The following TMEM255B variants were observed in gnomAD, a reference collection of about 807,000 sequenced individuals.
TMEM255B encodes the protein transmembrane protein 255B, also known as family with sequence similarity 70, member B.
In TMEM255B, 35 loss-of-function variants were observed where a neutral mutation model predicts 34.5. That is an observed-to-expected ratio of 1.01 (90% CI 0.77 to 1.34). The LOEUF is 1.34. TMEM255B is among the 40% of genes most tolerant of loss of function. TMEM255B has a pLI of 0.00. For synonymous variants in TMEM255B, 206 were observed against 201.2 expected, an observed-to-expected ratio of 1.02 and a Z score of -0.20; for missense variants, 432 against 433.2, an observed-to-expected ratio of 1.00 and a Z score of 0.02.
intron 3 of TMEM255B, among the ~76,000 whole-genome samples, chr13:113,782,144 T>C (rs937102780): frequency 1.3e-5 from 2 of 152,244 alleles, no homozygotes; most frequent in African/African-American, 4.8e-5. Flanking sequence ...CAACAGTCTT[T>C]ACAACTTTTT....
chr13:113,805,066 G>A (rs1332398913), intron 8 of TMEM255B, 38 bp downstream of exon 8: 1 of 1,557,314 alleles, frequency 6.4e-7, no homozygotes, highest in South Asian at 1.2e-5. Flanking sequence ...GGACGCGCTG[G>A]TCACAGGCAG....
rs530610954 is a variant in TMEM255B, at chr13:113,815,479, G to A, written c.*3576G>A. ...GAATTGTATTTCCCAGAATTCCTGC[G>A]CGTTGTGGGAGGGACCCAGCGGGAG... On this transcript the variant is annotated 3_prime_UTR_variant, in exon 9 of 9. Coordinates refer to ENST00000375353, the MANE Select transcript of TMEM255B (RefSeq NM_182614.4). 1.2e-4 allele frequency: 18 copies of A among 152,300 alleles called. No homozygotes were observed. The highest frequency in any genetic ancestry group is 3.6e-4 in the African/African-American group (15 of 41,544). 9.4% of individuals were successfully genotyped at this position (152,300 alleles called of 1,614,324 possible).
Position 113,790,228 on chromosome 13 carries a change from G to T in TMEM255B, c.253-4920G>T, listed in dbSNP as rs199679712. ...TGACCGGGCATGTGGACATCCTAGCGCTGGACTGACCGGGCACGTGGGCAT... is the reference window on the plus strand; with the variant it reads ...TGACCGGGCATGTGGACATCCTAGCTCTGGACTGACCGGGCACGTGGGCAT... On this transcript the variant is annotated intron_variant, in intron 3 of 8. Transcript: ENST00000375353. Among the ~76,000 whole-genome samples, 371 of 100,346 alleles carry T rather than the reference G, an allele frequency of 3.7e-3. 85 individuals carry two copies. Among genetic ancestry groups the T allele is most frequent in the East Asian group, 9.1e-3 (15 of 1,646 alleles). 65.8% of individuals were successfully genotyped at this position (100,346 alleles called of 152,430 possible).
intron 8 of TMEM255B, among the ~76,000 whole-genome samples, chr13:113,808,758 T>C (rs567631274): frequency 3.7e-4 from 41 of 111,612 alleles, no homozygotes; most frequent in African/African-American, 1.4e-3. Context: ...GGGGTTTAAC[T>C]CTGTGGTTTC....
At chr13:113,759,651 C>T (rs544255708) in intron 1 of TMEM255B, among the ~76,000 whole-genome samples, 3 of 152,310 alleles carry the variant, frequency 2.0e-5, no homozygotes, top group East Asian at 1.9e-4. Flanking sequence ...CTCCCTGTTA[C>T]GTTTTATTAT....
Position 113,795,230 on chromosome 13 carries a change from A to T in TMEM255B, c.335A>T (p.Gln112Leu), listed in dbSNP as rs751384258. ...ATCGTGGACGGCGTATTTGCAGCACAGCACATTGTGAGTACATTGTCATTG... is the reference window on the plus strand; with the variant it reads ...ATCGTGGACGGCGTATTTGCAGCACTGCACATTGTGAGTACATTGTCATTG... The part of the protein sequence containing the change: ...CAIVDGVFAA[Q>L]HIEPRPLTTG... Residue 112 changes from glutamine (Q) to leucine (L), a missense_variant, in exon 4 of 9, where the codon CAG becomes CTG. Transcript: ENST00000375353. The T allele has an allele frequency of 6.2e-7, 1 of 1,613,658 alleles. No homozygotes were observed. The highest frequency in any genetic ancestry group is 8.5e-7 in the Non-Finnish European group (1 of 1,179,880).
Position 113,801,829 on chromosome 13 carries a change from G to A in TMEM255B, c.669+17G>A. The A allele has an allele frequency of 6.3e-7, 1 of 1,578,214 alleles. No homozygotes were observed. Among genetic ancestry groups the A allele is most frequent in the Middle Eastern group, 1.8e-4 (1 of 5,584 alleles). On this transcript the variant is annotated intron_variant, in intron 7 of 8. Coordinates refer to ENST00000375353, the MANE Select transcript of TMEM255B (RefSeq NM_182614.4). ...AAGGACATGGTGAGGCCCCTTGGTG[G>A]GACCCCCGCTGCTCACTGGGAGCCG...
chr13:113,764,105 G>A (rs980572969), intron 1 of TMEM255B, among the ~76,000 whole-genome samples: 2 of 152,242 alleles, frequency 1.3e-5, no homozygotes, highest in East Asian at 3.8e-4. Context: ...CAGGAAGGCA[G>A]GTGTGGCCTG....
rs1566342299 is a variant in TMEM255B, at chr13:113,812,982, T to TGAGTCACAGGTCCCGGGTGGGTCACGGGC, written c.*1079_*1080insGAGTCACAGGTCCCGGGTGGGTCACGGGC. ...TCACGGGCCCCGGGTGGGTCACGGGTCCCGGGTGGGTCACGGGTCCCGAGT... is the reference window on the plus strand; with the variant it reads ...TCACGGGCCCCGGGTGGGTCACGGGTGAGTCACAGGTCCCGGGTGGGTCACGGGCCCCGGGTGGGTCACGGGTCCCGAGT... On this transcript the variant is annotated 3_prime_UTR_variant, in exon 9 of 9. Transcript: ENST00000375353. 1 of 110,700 alleles carries TGAGTCACAGGTCCCGGGTGGGTCACGGGC rather than the reference T, an allele frequency of 9.0e-6. No individual in the cohort carries two copies. Among genetic ancestry groups the TGAGTCACAGGTCCCGGGTGGGTCACGGGC allele is most frequent in the African/African-American group, 4.5e-5 (1 of 22,342 alleles). 6.9% of individuals were successfully genotyped at this position (110,700 alleles called of 1,614,324 possible).
chr13:113,804,853 C>A, intron 7 of TMEM255B, 32 bp from the exon 8 acceptor site: 1 of 1,576,478 alleles, frequency 6.3e-7, no homozygotes, highest in Non-Finnish European at 8.6e-7. Flanking sequence ...CTAGGGGGTA[C>A]ACGCCGACCA....
chr13:113,785,426 G>A (rs913315711), intron 3 of TMEM255B, among the ~76,000 whole-genome samples: 4 of 152,304 alleles, frequency 2.6e-5, no homozygotes, highest in Non-Finnish European at 4.4e-5. Context: ...CCCCAGCTGC[G>A]GTTTCTGACT....
At chr13:113,800,533 G>T (rs78826356) in intron 5 of TMEM255B, among the ~76,000 whole-genome samples, 1 of 152,042 alleles carries the variant, frequency 6.6e-6, no homozygotes. Flanking sequence ...TTCTGCCCAC[G>T]CACCCTGATA....
At chr13:113,761,819 G>A (rs962052294) in intron 1 of TMEM255B, among the ~76,000 whole-genome samples, 2 of 152,122 alleles carry the variant, frequency 1.3e-5, no homozygotes, top group Admixed American at 6.5e-5. Flanking sequence ...CATTCATTCC[G>A]TACCAGGAGA....
intron 3 of TMEM255B, among the ~76,000 whole-genome samples, chr13:113,789,780 C>T (rs1413096659): frequency 7.5e-6 from 1 of 132,466 alleles, no homozygotes; most frequent in East Asian, 2.4e-4. Context: ...ACATCCTAGC[C>T]CTGGACTGAC....
At chr13:113,810,120 C>T (rs1441050368) in intron 8 of TMEM255B, among the ~76,000 whole-genome samples, 2 of 152,134 alleles carry the variant, frequency 1.3e-5, no homozygotes, top group Non-Finnish European at 2.9e-5. Flanking sequence ...CAGAGCTCTC[C>T]AGGGAGAGGC....
At chr13:113,784,193 C>T (rs1422816092) in intron 3 of TMEM255B, among the ~76,000 whole-genome samples, 1 of 152,000 alleles carries the variant, frequency 6.6e-6, no homozygotes, top group African/African-American at 2.4e-5. Flanking sequence ...TTGTTGGGCA[C>T]CCATGTGAGC....
intron 3 of TMEM255B, among the ~76,000 whole-genome samples, chr13:113,778,256 A>G (rs1291322130): frequency 2.6e-5 from 4 of 152,230 alleles, no homozygotes; most frequent in Non-Finnish European, 5.9e-5. Context: ...GGGGATCTTT[A>G]GCTTCAATAT....
chr13:113,815,387 C>T lies in TMEM255B; in HGVS notation c.*3484C>T, dbSNP rs988477842. The stretch of plus-strand genomic sequence containing the variant: ...TGACGGTCCGTCCACATGGGGTCAC[C>T]GGCCACGGAGAGAGGAAGGGACATG... On this transcript the variant is annotated 3_prime_UTR_variant, in exon 9 of 9. Coordinates refer to ENST00000375353, the MANE Select transcript of TMEM255B (RefSeq NM_182614.4). 7 of 152,276 alleles carry T rather than the reference C, an allele frequency of 4.6e-5. No homozygotes were observed. Among genetic ancestry groups the T allele is most frequent in the Non-Finnish European group, 8.8e-5 (6 of 68,158 alleles). The allele number at this position is 152,276 out of a possible 1,614,324, so 9.4% of individuals were successfully genotyped here.
rs2050453078 is a variant in TMEM255B, at chr13:113,770,050, G to A, written c.252+890G>A. 2.0e-5 allele frequency among the ~76,000 whole-genome samples: 3 copies of A among 152,144 alleles called. No homozygotes were observed. Among genetic ancestry groups the A allele is most frequent in the South Asian group, 2.1e-4 (1 of 4,828 alleles). On this transcript the variant is annotated intron_variant, in intron 3 of 8. Coordinates refer to ENST00000375353, the MANE Select transcript of TMEM255B (RefSeq NM_182614.4). This position sits in a 1 kb window ranked among gnomAD's most constrained non-coding sequence, Gnocchi z 4.6. The stretch of plus-strand genomic sequence containing the variant: ...TGGCTGGGCCGCGGTGTATGCCCTC[G>A]GAACCCTGTATGTTAGTCTGTTTTC...
Sources: gnomAD v4.1 joint callset for allele counts (sites outside exome capture counted in the v4.1 genomes callset) on GRCh38, gnomAD v4.1.1 for gene constraint, Gnocchi (gnomAD v3.1) non-coding constraint, MANE v1.5 for transcripts, NCBI Gene and HGNC (gene_info 2026-07-23, HGNC 2026-07-21) for gene names.